The following ESR1 variants were observed in gnomAD, a reference collection of about 807,000 sequenced individuals.
The protein encoded by ESR1 is estrogen receptor 1.
Under a neutral mutation model 52.7 loss-of-function variants are expected in ESR1, and 12 were observed. The observed-to-expected ratio is 0.23, with a 90% CI of 0.15 to 0.37. The LOEUF (loss-of-function observed/expected upper bound fraction) is 0.37. Among genes scored for constraint, ESR1 ranks in the 10% least tolerant of loss-of-function variants. The pLI is 1.00. For synonymous variants in ESR1, 305 were observed against 316.8 expected, an observed-to-expected ratio of 0.96 and a Z score of 0.39; for missense variants, 584 against 779.7, an observed-to-expected ratio of 0.75 and a Z score of 2.99.
chr6:151,686,630 G>A (rs1485624450), upstream of ESR1, among the ~76,000 whole-genome samples: 1 of 152,172 alleles, frequency 6.6e-6, no homozygotes, highest in Non-Finnish European at 1.5e-5. Flanking sequence ...GGAGCTTGCA[G>A]TGAGCCGAGA....
At chr6:152,029,940 C>G (rs890551319) in intron 5 of ESR1, among the ~76,000 whole-genome samples, 2 of 152,220 alleles carry the variant, frequency 1.3e-5, no homozygotes, top group African/African-American at 4.8e-5. Flanking sequence ...AACAGCGGAT[C>G]TCTTGGCAGA....
At chr6:151,855,960 T>C (rs1392121829) in intron 2 of ESR1, among the ~76,000 whole-genome samples, 1 of 152,220 alleles carries the variant, frequency 6.6e-6, no homozygotes, top group Non-Finnish European at 1.5e-5. Context: ...TGTATTTTTA[T>C]GGCAAAATCG....
chr6:151,998,725 G>T (rs760101269), intron 4 of ESR1, among the ~76,000 whole-genome samples: 4 of 152,074 alleles, frequency 2.6e-5, no homozygotes, highest in Non-Finnish European at 5.9e-5. Context: ...ATTCTCATAT[G>T]TTTGGTTACC....
chr6:151,759,091 A>G lies in ESR1; in HGVS notation c.-70-48752A>G, dbSNP rs533208865. On this transcript the variant is annotated intron_variant, in intron 2 of 2. Transcript: ENST00000404742. Reference sequence around the variant, plus strand: ...AGAGATCAAGACAATCCTGGCCAACATGGTGACACTCTGTCTCTACTAAAA... The same window carrying G: ...AGAGATCAAGACAATCCTGGCCAACGTGGTGACACTCTGTCTCTACTAAAA... Among the ~76,000 whole-genome samples the G allele has an allele frequency of 2.0e-5, 3 of 151,916 alleles. No individual in the cohort carries two copies. The South Asian group carries it at 6.2e-4, about 32-fold the overall frequency.
chr6:152,029,277 CA>C (rs2044453407), intron 5 of ESR1, among the ~76,000 whole-genome samples: 1 of 152,148 alleles, frequency 6.6e-6, no homozygotes, highest in Non-Finnish European at 1.5e-5. Flanking sequence ...AGCAACGGAA[CA>C]AAGCTGGATG....
intron 2 of ESR1, among the ~76,000 whole-genome samples, chr6:151,738,991 T>C (rs569761280): frequency 1.3e-5 from 2 of 152,300 alleles, no homozygotes; most frequent in East Asian, 3.9e-4. Flanking sequence ...ATTTCTAGTA[T>C]CTGAAGGCAG....
At chr6:151,785,106 C>A in intron 2 of ESR1, among the ~76,000 whole-genome samples, 1 of 152,232 alleles carries the variant, frequency 6.6e-6, no homozygotes, top group East Asian at 1.9e-4. Flanking sequence ...TTCACTACAA[C>A]ATCTAGACTC....
chr6:151,664,587 C>T (rs986904737), intron 1 of ESR1, among the ~76,000 whole-genome samples: 10 of 152,126 alleles, frequency 6.6e-5, no homozygotes, highest in Admixed American at 6.5e-5. Context: ...TAAAGGTCAA[C>T]GATTGAACAC....
chr6:151,657,205 T>G (rs1777484907), intron 1 of ESR1, among the ~76,000 whole-genome samples: 1 of 152,198 alleles, frequency 6.6e-6, no homozygotes, highest in African/African-American at 2.4e-5. Flanking sequence ...GTAGAGAAAT[T>G]TAATGTGTGG....
At chr6:151,679,734 G>C (rs771785959) in intron 1 of ESR1, among the ~76,000 whole-genome samples, 1 of 152,150 alleles carries the variant, frequency 6.6e-6, no homozygotes, top group African/African-American at 2.4e-5. Flanking sequence ...GCCCTTTGCT[G>C]GTGCCAATTT....
intron 2 of ESR1, among the ~76,000 whole-genome samples, chr6:151,795,409 C>T (rs1337009434): frequency 6.6e-6 from 1 of 150,592 alleles, no homozygotes; most frequent in Non-Finnish European, 1.5e-5. Flanking sequence ...ATTGAATGAA[C>T]CCTGTGAGGC....
chr6:152,071,908 AT>A (rs141742177), intron 6 of ESR1, among the ~76,000 whole-genome samples: 1,742 of 152,328 alleles, frequency 0.011, 34 homozygotes, highest in African/African-American at 0.041. Context: ...GGGTATAAAC[AT>A]TTTTAAGGCT....
At chr6:152,089,391 T>G (rs2049998528) in intron 6 of ESR1, among the ~76,000 whole-genome samples, 1 of 152,248 alleles carries the variant, frequency 6.6e-6, no homozygotes, top group African/African-American at 2.4e-5. Flanking sequence ...CCTGTTCAAC[T>G]GCACTGAAAT....
intron 6 of ESR1, among the ~76,000 whole-genome samples, chr6:152,064,482 T>C (rs1285501037): frequency 6.6e-6 from 1 of 152,242 alleles, no homozygotes; most frequent in Non-Finnish European, 1.5e-5. Flanking sequence ...TCTAGACTAT[T>C]TCAATTCTTA....
At chr6:152,057,236 G>A (rs940662422) in intron 5 of ESR1, among the ~76,000 whole-genome samples, 9 of 152,068 alleles carry the variant, frequency 5.9e-5, no homozygotes, top group Non-Finnish European at 1.2e-4. Flanking sequence ...ACTAGCTCAC[G>A]TGGCAAGCCT....
chr6:152,068,583 T>C (rs1307762236), intron 6 of ESR1, among the ~76,000 whole-genome samples: 3 of 152,190 alleles, frequency 2.0e-5, no homozygotes, highest in Non-Finnish European at 2.9e-5. Context: ...ACCATTGACT[T>C]AATTGATGCA....
At chr6:152,050,662 T>C (rs1216517563) in intron 5 of ESR1, among the ~76,000 whole-genome samples, 1 of 152,140 alleles carries the variant, frequency 6.6e-6, no homozygotes, top group Non-Finnish European at 1.5e-5. Flanking sequence ...TGTTAACAAG[T>C]GGGCAGAAGG....
chr6:151,722,446 G>T (rs891077077), intron 2 of ESR1, among the ~76,000 whole-genome samples: 2 of 152,170 alleles, frequency 1.3e-5, no homozygotes, highest in Non-Finnish European at 2.9e-5. Context: ...AGGCAGATAG[G>T]GGCAAAGATA....
chr6:152,008,314 C>T (rs1162125321), intron 4 of ESR1, among the ~76,000 whole-genome samples: 2 of 152,108 alleles, frequency 1.3e-5, no homozygotes, highest in African/African-American at 4.8e-5. Context: ...AGGCAATATG[C>T]ACAGCTGGGA....
Sources: allele counts gnomAD v4.1 joint callset (sites outside exome capture counted in the v4.1 genomes callset), GRCh38; gene constraint gnomAD v4.1.1; transcripts MANE v1.5; gene names NCBI Gene and HGNC (gene_info 2026-07-23, HGNC 2026-07-21).